The following SEC23A variants were observed in gnomAD, a reference collection of about 807,000 sequenced individuals.
SEC23A encodes protein transport protein Sec23A.
A neutral mutation model predicts 103.7 loss-of-function variants in SEC23A; 56 were observed. The observed-to-expected ratio is 0.54, with a 90% CI of 0.44 to 0.67. The LOEUF (loss-of-function observed/expected upper bound fraction) is 0.67, where lower values mean the gene tolerates loss of function less well. Among genes scored for constraint, SEC23A ranks in the 30% least tolerant of loss-of-function variants. The pLI is 0.00. For missense variants in SEC23A, 784 were observed against 936.4 expected (o/e 0.84, Z 2.12); for synonymous variants, 281 against 293.0 (o/e 0.96, Z 0.42).
rs118135860 is a variant in SEC23A, at chr14:39,102,314, T to A, written c.-22+718A>T. On this transcript the variant is annotated intron_variant, in intron 1 of 19. Transcript: ENST00000307712. ...AAGAGAAGGAAAACTCAACATGCAT[T>A]TATATTTAAATCTAAAACCTTTTTA... Among the ~76,000 whole-genome samples the A allele has an allele frequency of 3.8e-4, 58 of 152,302 alleles. No individual in the cohort carries two copies. The East Asian group carries it at 0.011, about 28-fold the overall frequency.
At chr14:39,072,181 T>C (rs1264852413) in intron 9 of SEC23A, among the ~76,000 whole-genome samples, 1 of 148,700 alleles carries the variant, frequency 6.7e-6, no homozygotes, top group Non-Finnish European at 1.5e-5. Context: ...CCAGTGAGCC[T>C]AGATCGCACC....
intron 7 of SEC23A, among the ~76,000 whole-genome samples, chr14:39,078,083 G>GA (rs1887100625): frequency 6.6e-6 from 1 of 151,966 alleles, no homozygotes; most frequent in Non-Finnish European, 1.5e-5. Context: ...GACCTTGTCT[G>GA]AAAAAAATAA....
intron 18 of SEC23A, 98 bp from the exon 19 acceptor site, chr14:39,039,194 G>A (rs1885557357): frequency 1.0e-6 from 1 of 976,944 alleles, no homozygotes; most frequent in South Asian, 1.4e-5. Context: ...TATTTAGTAT[G>A]TGTTGGTAAA....
At position 39,032,269 on chromosome 14, in the gene SEC23A, T is replaced by G. The variant is rs1885330009; in HGVS notation, c.*970A>C. On this transcript the variant is annotated 3_prime_UTR_variant, in exon 20 of 20. Transcript: ENST00000307712. ...TAGAACTGAGCATCACATGATATAA[T>G]TAAGCAAACATTATATAATACTGTT... The G allele has an allele frequency of 6.6e-6, 1 of 152,614 alleles. No individual in the cohort carries two copies. Among genetic ancestry groups the G allele is most frequent in the Non-Finnish European group, 1.5e-5 (1 of 68,022 alleles). 9.5% of individuals were successfully genotyped at this position (152,614 alleles called of 1,614,324 possible).
At chr14:39,081,835 T>G (rs1466715167) in intron 7 of SEC23A, among the ~76,000 whole-genome samples, 2 of 152,182 alleles carry the variant, frequency 1.3e-5, no homozygotes, top group Non-Finnish European at 2.9e-5. Flanking sequence ...ATACTTATGA[T>G]TTTATATACA....
intron 18 of SEC23A, 82 bp from the exon 19 acceptor site, chr14:39,039,178 C>A (rs1885556593): frequency 2.6e-6 from 3 of 1,149,934 alleles, no homozygotes; most frequent in African/African-American, 3.1e-5. Flanking sequence ...CATGCAAAAT[C>A]AATTTTATTT....
At chr14:39,102,633 A>G (rs1888148801) in intron 1 of SEC23A, among the ~76,000 whole-genome samples, 1 of 152,132 alleles carries the variant, frequency 6.6e-6, no homozygotes, top group Non-Finnish European at 1.5e-5. Context: ...AGGCTGAATT[A>G]CGGTGACGTA....
intron 9 of SEC23A, among the ~76,000 whole-genome samples, chr14:39,071,568 A>T (rs749343217): frequency 4.6e-5 from 7 of 150,952 alleles, no homozygotes; most frequent in Non-Finnish European, 8.9e-5. Flanking sequence ...AAATTAAAAA[A>T]TTTTTTAAAA....
Position 39,091,643 on chromosome 14 carries a change from G to T in SEC23A, c.437C>A (p.Ala146Asp). 3 of 1,613,984 alleles carry T rather than the reference G, an allele frequency of 1.9e-6. No individual in the cohort carries two copies. The highest frequency in any genetic ancestry group is 1.7e-5 in the Admixed American group (1 of 60,018). ...TGACATCTGCATGGATTCTTTCAGG[G>T]CTTGTAAATCTTCATCTTCCATGCA... ...DTCMEDEDLQ[A>D]LKESMQMSLS... The change falls in exon 5 of 20, where the codon GCC (alanine) becomes GAC (aspartate). Residue 146 changes from alanine (A) to aspartate (D), a missense_variant. By Grantham distance (126) the Ala-to-Asp change is moderately radical (BLOSUM62 -2). This residue lies in a region of SEC23A where 683 missense variants were observed against 774.2 expected (regional missense o/e 0.88). Coordinates refer to ENST00000307712, the MANE Select transcript of SEC23A (RefSeq NM_006364.4).
intron 14 of SEC23A, among the ~76,000 whole-genome samples, chr14:39,052,143 C>A (rs1249786734): frequency 6.6e-6 from 1 of 151,962 alleles, no homozygotes; most frequent in Non-Finnish European, 1.5e-5. Flanking sequence ...ACAACACACA[C>A]TGGGCACCTG....
At chr14:39,052,020 A>T (rs2180214) in intron 14 of SEC23A, among the ~76,000 whole-genome samples, 1 of 151,584 alleles carries the variant, frequency 6.6e-6, no homozygotes, top group African/African-American at 2.4e-5. Flanking sequence ...CACAGATGGA[A>T]TTGGAAGCCA....
rs1886605863 is a variant in SEC23A at position 39,064,945 on chromosome 14, G to A, written c.1276C>T (p.Leu426Phe). 1 of 1,613,086 alleles carries A rather than the reference G, an allele frequency of 6.2e-7. No homozygotes were observed. Among genetic ancestry groups the A allele is most frequent in the East Asian group, 2.2e-5 (1 of 44,876 alleles). ...ISGAIGPCVS[L>F]NSKGPCVSEN... ...GACACACAGGGTCCTTTAGAATTGA[G>A]TGACACACAGGGTCCAATAGCTCCT... The change falls in exon 11 of 20, where the codon CTC (leucine) becomes TTC (phenylalanine). Residue 426 changes from leucine to phenylalanine, a missense_variant. Coordinates refer to ENST00000307712, the MANE Select transcript of SEC23A (RefSeq NM_006364.4).
At chr14:39,059,172 A>G (rs1337417477) in intron 13 of SEC23A, among the ~76,000 whole-genome samples, 1 of 151,684 alleles carries the variant, frequency 6.6e-6, no homozygotes, top group African/African-American at 2.4e-5. Context: ...GTCATTTTGT[A>G]CATGAAAAAT....
chr14:39,042,953 A>C, intron 16 of SEC23A, 81 bp from the exon 17 acceptor site: 1 of 912,908 alleles, frequency 1.1e-6, no homozygotes, highest in Admixed American at 2.2e-5. Context: ...TTTCCAGGTT[A>C]TTTTCCAAGT....
At chr14:39,055,099 A>T in intron 14 of SEC23A, 44 bp downstream of exon 14, 1 of 1,610,730 alleles carries the variant, frequency 6.2e-7, no homozygotes, top group Middle Eastern at 1.7e-4. Context: ...TTTACTACAA[A>T]TGAAAGCATA....
At chr14:39,042,927 T>C (rs1885698313) in intron 16 of SEC23A, 55 bp from the exon 17 acceptor site, 1 of 1,018,714 alleles carries the variant, frequency 9.8e-7, no homozygotes, top group Non-Finnish European at 1.5e-6. Flanking sequence ...ATCTACTCAA[T>C]AATATAAAAT....
chr14:39,051,564 G>A (rs1018077603), intron 14 of SEC23A, among the ~76,000 whole-genome samples: 3 of 152,128 alleles, frequency 2.0e-5, no homozygotes, highest in African/African-American at 7.2e-5. Flanking sequence ...TTTTGAAATT[G>A]AGGTGTGAGA....
At chr14:39,072,214 A>G (rs1172041457) in intron 9 of SEC23A, among the ~76,000 whole-genome samples, 1 of 152,090 alleles carries the variant, frequency 6.6e-6, no homozygotes, top group Non-Finnish European at 1.5e-5. Flanking sequence ...CCTGGGTGAC[A>G]AAGTGAGACT....
intron 1 of SEC23A, among the ~76,000 whole-genome samples, chr14:39,097,629 C>A (rs562119392): frequency 6.6e-6 from 1 of 152,142 alleles, no homozygotes; most frequent in Non-Finnish European, 1.5e-5. Context: ...ACTTTCTCTT[C>A]TTTAAATAAG....
Sources: allele counts gnomAD v4.1 joint callset (sites outside exome capture counted in the v4.1 genomes callset), GRCh38; gene constraint gnomAD v4.1.1; regional missense constraint gnomAD v4.1.1; transcripts MANE v1.5; gene names NCBI Gene and HGNC (gene_info 2026-07-23, HGNC 2026-07-21).